The following CCDC201 variants were observed in gnomAD, a reference collection of about 807,000 sequenced individuals.
The protein encoded by CCDC201 is coiled-coil domain containing 201, also known as coiled-coil domain-containing protein 201.
Position 45,866,138 on chromosome 7 carries a change from TTGC to T in CCDC201, c.372_374del (p.Gln125del), listed in dbSNP as rs202125878. On this transcript the variant is annotated inframe_deletion, in exon 2 of 3. Coordinates refer to ENST00000636578, the Ensembl canonical transcript of CCDC201. Reference sequence around the variant, plus strand: ...CCCAGCTCTTTGCCCGGAGGGACTCTTGCTGCTGCTGCTGCTGCTGCCGCTGCC... The same window carrying T: ...CCCAGCTCTTTGCCCGGAGGGACTCTTGCTGCTGCTGCTGCTGCCGCTGCC... 862 of 199,132 alleles carry T rather than the reference TTGC, an allele frequency of 4.3e-3. 4 individuals carry two copies. The highest frequency in any genetic ancestry group is 0.014 in the African/African-American group (571 of 42,292). 12.3% of individuals were successfully genotyped at this position (199,132 alleles called of 1,614,324 possible).
At chr7:45,882,707 C>T in the CCDC201 span, among the ~76,000 whole-genome samples, 1 of 152,340 alleles carries the variant, frequency 6.6e-6, no homozygotes, top group South Asian at 2.1e-4. Context: ...TTATGTGTCC[C>T]TCACCTTTTC....
rs1015821236 is a variant in CCDC201 at position 45,870,445 on chromosome 7, C to A, written c.18+2545G>T. Among the ~76,000 whole-genome samples the A allele has an allele frequency of 5.3e-5, 8 of 152,048 alleles. No homozygotes were observed. In the East Asian group the frequency reaches 1.3e-3, roughly 26 times the overall value. On this transcript the variant is annotated intron_variant, in intron 1 of 2. Coordinates refer to ENST00000636578, the Ensembl canonical transcript of CCDC201. ...ACACATTGCATACAGTGAGACATAC[C>A]TAAGACAAAGTACTGTAGAAAGCTT...
intron 1 of CCDC201, among the ~76,000 whole-genome samples, chr7:45,867,192 C>G (rs945676908): frequency 1.3e-5 from 2 of 152,120 alleles, no homozygotes; most frequent in African/African-American, 4.8e-5. Flanking sequence ...AGTGACCTGA[C>G]AGCAGATTGA....
chr7:45,877,100 A>G (rs745921897), upstream of CCDC201, among the ~76,000 whole-genome samples: 1 of 152,226 alleles, frequency 6.6e-6, no homozygotes, highest in Non-Finnish European at 1.5e-5. Flanking sequence ...AGAGCCCCTC[A>G]CTGGGTCTTG....
chr7:45,884,931 T>TC, the CCDC201 span, among the ~76,000 whole-genome samples: 1 of 152,014 alleles, frequency 6.6e-6, no homozygotes, highest in Admixed American at 6.5e-5. Context: ...GTACCTCCCT[T>TC]CCACTCCACT....
chr7:45,876,848 C>T (rs117495484), upstream of CCDC201, among the ~76,000 whole-genome samples: 205 of 152,282 alleles, frequency 1.3e-3, 4 homozygotes, highest in East Asian at 0.031. Flanking sequence ...TCACTGGGTC[C>T]CAGGAAAGCT....
chr7:45,878,110 C>A, the CCDC201 span, among the ~76,000 whole-genome samples: 2 of 152,346 alleles, frequency 1.3e-5, no homozygotes, highest in East Asian at 3.9e-4. Context: ...ACTTCACATC[C>A]AGGCCACAGT....
chr7:45,860,877 A>T (rs1282759024), exon 3 of CCDC201: 1 of 152,272 alleles, frequency 6.6e-6, no homozygotes, highest in African/African-American at 2.4e-5. Flanking sequence ...CATTTTGAAC[A>T]CTTTAACTAG....
chr7:45,881,070 A>C, the CCDC201 span, among the ~76,000 whole-genome samples: 2 of 152,202 alleles, frequency 1.3e-5, no homozygotes, highest in African/African-American at 4.8e-5. Flanking sequence ...AAACAACACC[A>C]CATCTAACGT....
chr7:45,878,409 A>G, the CCDC201 span, among the ~76,000 whole-genome samples: 1 of 152,234 alleles, frequency 6.6e-6, no homozygotes, highest in Non-Finnish European at 1.5e-5. Flanking sequence ...CTGCCCTTGT[A>G]GCAGACTTCT....
At chr7:45,869,136 T>G (rs531046436) in intron 1 of CCDC201, among the ~76,000 whole-genome samples, 1 of 152,334 alleles carries the variant, frequency 6.6e-6, no homozygotes, top group African/African-American at 2.4e-5. Context: ...TGAGATAGTA[T>G]AGAAAGAGCT....
At chr7:45,884,060 C>G in the CCDC201 span, among the ~76,000 whole-genome samples, 1 of 149,866 alleles carries the variant, frequency 6.7e-6, no homozygotes, top group African/African-American at 2.5e-5. Context: ...CCATCTCTCT[C>G]CTTCCTCCCT....
At chr7:45,864,268 C>T (rs1044118268) in intron 2 of CCDC201, among the ~76,000 whole-genome samples, 6 of 151,976 alleles carry the variant, frequency 3.9e-5, no homozygotes, top group African/African-American at 1.4e-4. Flanking sequence ...GATCCAGGCT[C>T]AGCTGGGGGC....
chr7:45,866,279 G>A (rs1786671263), exon 2 of CCDC201: 1 of 154,956 alleles, frequency 6.5e-6, no homozygotes, highest in South Asian at 1.7e-4. Context: ...TCCTAACAGT[G>A]GCTGGAGGGC....
At chr7:45,860,979 G>A (rs1786591810) in exon 3 of CCDC201, 1 of 152,184 alleles carries the variant, frequency 6.6e-6, no homozygotes, top group Non-Finnish European at 1.5e-5. Flanking sequence ...TGAATATCTA[G>A]GAAATCATCT....
chr7:45,864,628 T>C (rs12667794), intron 2 of CCDC201, among the ~76,000 whole-genome samples: 28,425 of 151,918 alleles, frequency 0.19, 2,818 homozygotes, highest in East Asian at 0.26. Flanking sequence ...CAGCAGGGCA[T>C]GGAAGAGAGG....
chr7:45,877,931 G>A (rs1005495804), upstream of CCDC201, among the ~76,000 whole-genome samples: 9 of 152,152 alleles, frequency 5.9e-5, no homozygotes, highest in Non-Finnish European at 8.8e-5. Context: ...CTTTCACCTT[G>A]GGCCTGTAAA....
chr7:45,874,721 G>A (rs1394998248), upstream of CCDC201, among the ~76,000 whole-genome samples: 1 of 152,236 alleles, frequency 6.6e-6, no homozygotes, highest in East Asian at 1.9e-4. Flanking sequence ...ACTTGCCCTG[G>A]TTGGCGCAGA....
upstream of CCDC201, among the ~76,000 whole-genome samples, chr7:45,877,483 C>T (rs557859579): frequency 6.6e-6 from 1 of 152,292 alleles, no homozygotes; most frequent in South Asian, 2.1e-4. Context: ...GTTTCATCAG[C>T]TCACGTTTCT....
Sources: gnomAD v4.1 joint callset for allele counts (sites outside exome capture counted in the v4.1 genomes callset) on GRCh38, gnomAD v4.1.1 for gene constraint, MANE v1.5 for transcripts, NCBI Gene and HGNC (gene_info 2026-07-23, HGNC 2026-07-21) for gene names.